Variants in EXOC2 observed in about 807,000 individuals in gnomAD.
EXOC2 encodes SEC5-like 1.
Under a neutral mutation model 131.8 loss-of-function variants are expected in EXOC2, and 70 were observed. The ratio of observed to expected loss-of-function variants is 0.53; its 90% CI spans 0.44 to 0.65. The LOEUF (loss-of-function observed/expected upper bound fraction) is 0.65, where lower values mean the gene tolerates loss of function less well. EXOC2 is among the 30% of genes least tolerant of loss of function. EXOC2 has a pLI of 0.00. For missense variants in EXOC2, 923 were observed against 1,108.6 expected, an observed-to-expected ratio of 0.83 and a Z score of 2.38; for synonymous variants, 411 against 398.4, an observed-to-expected ratio of 1.03 and a Z score of -0.38.
chr6:514,672 C>T (rs977481832), intron 23 of EXOC2, among the ~76,000 whole-genome samples: 1 of 152,186 alleles, frequency 6.6e-6, no homozygotes, highest in Non-Finnish European at 1.5e-5. Flanking sequence ...TCCAGGGAGG[C>T]CAAAGGGGTC....
In EXOC2 at chr6:486,682, T is replaced by C. The variant is rs778925288; in HGVS notation, c.2764A>G (p.Met922Val). The C allele has an allele frequency of 2.0e-5, 32 of 1,614,124 alleles. No individual in the cohort carries two copies. The highest frequency in any genetic ancestry group is 2.7e-5 in the Non-Finnish European group (32 of 1,179,960). Reference protein sequence around the residue: ...TCFQAASSTMMKT With the variant: ...TCFQAASSTMVKT ...TATGTGGCAGATATTTATGTTTTCA[T>C]CATGGTTGAAGAAGCTGCTTGGAAA... is the stretch of plus-strand genomic sequence containing the variant. Residue 922 changes from methionine to valine, a missense_variant, in exon 28 of 28, where the codon ATG becomes GTG. By Grantham distance (21) the Met-to-Val change is conservative. Coordinates refer to ENST00000230449, the MANE Select transcript of EXOC2 (RefSeq NM_018303.6).
intron 1 of EXOC2, among the ~76,000 whole-genome samples, chr6:651,347 T>A (rs1009541610): frequency 6.6e-6 from 1 of 152,074 alleles, no homozygotes; most frequent in Non-Finnish European, 1.5e-5. Flanking sequence ...TCTCCATTTT[T>A]ATCTTGCATT....
At position 666,693 on chromosome 6, in the gene EXOC2, ACT is replaced by A. The variant is rs1462682810; in HGVS notation, c.-44+26324_-44+26325del. 2.1e-5 allele frequency among the ~76,000 whole-genome samples: 2 copies of A among 96,474 alleles called. 1 individual carries two copies. The highest frequency in any genetic ancestry group is 4.9e-5 in the Non-Finnish European group (2 of 40,806). 63.3% of individuals were successfully genotyped at this position (96,474 alleles called of 152,430 possible). A position where few individuals can be genotyped will look rare whatever the true frequency, so the allele number is the denominator to read the frequency against. Reference sequence around the variant, plus strand: ...ACAACTGAGGAGCCAATACTGATATACTATTAAGTAAGTTCCATAGTTTACAC... The same window carrying A: ...ACAACTGAGGAGCCAATACTGATATAATTAAGTAAGTTCCATAGTTTACAC... On this transcript the variant is annotated intron_variant, in intron 1 of 27. Transcript: ENST00000230449.
At chr6:505,202 T>C (rs768358216) in intron 23 of EXOC2, among the ~76,000 whole-genome samples, 1 of 152,200 alleles carries the variant, frequency 6.6e-6, no homozygotes, top group African/African-American at 2.4e-5. Context: ...GAAACGTTTG[T>C]CCTTGACAGT....
At chr6:626,107 A>G (rs371382266) in intron 4 of EXOC2, among the ~76,000 whole-genome samples, 1 of 152,232 alleles carries the variant, frequency 6.6e-6, no homozygotes, top group Non-Finnish European at 1.5e-5. Context: ...ATTTGTGACA[A>G]CTGCCATCGT....
At chr6:527,353 A>T (rs901554721) in intron 23 of EXOC2, among the ~76,000 whole-genome samples, 1 of 152,272 alleles carries the variant, frequency 6.6e-6, no homozygotes, top group Non-Finnish European at 1.5e-5. Flanking sequence ...TCTCTTGTAA[A>T]ATTCAGTGAA....
intron 23 of EXOC2, among the ~76,000 whole-genome samples, chr6:527,543 G>A (rs988384294): frequency 3.3e-5 from 5 of 152,152 alleles, no homozygotes; most frequent in African/African-American, 7.2e-5. Flanking sequence ...TACAAGTTTC[G>A]CTCACTGATG....
chr6:613,862 C>T (rs1304690073), intron 6 of EXOC2, among the ~76,000 whole-genome samples: 6 of 151,138 alleles, frequency 4.0e-5, no homozygotes, highest in Admixed American at 6.6e-5. Context: ...GCACATGTAC[C>T]CTAAAACTTA....
rs1581380590 is a variant in EXOC2, at chr6:532,476, A to G, written c.2373T>C (p.Pro791=). 1 of 1,591,044 alleles carries G rather than the reference A, an allele frequency of 6.3e-7. No homozygotes were observed. Among genetic ancestry groups the G allele is most frequent in the Middle Eastern group, 1.7e-4 (1 of 5,956 alleles). Residue 791 remains proline (P), a synonymous_variant, in exon 23 of 28, where the codon CCT becomes CCC. Coordinates refer to ENST00000230449, the MANE Select transcript of EXOC2 (RefSeq NM_018303.6). ...AGYFDWKDCL[P]PTGVRNYLKE... ...AGAAACTTTATTACTTACCTGTTGG[A>G]GGCAGGCAGTCCTTCCAATCAAAAT...
intron 22 of EXOC2, among the ~76,000 whole-genome samples, chr6:539,154 C>T (rs576881162): frequency 1.3e-5 from 2 of 152,086 alleles, no homozygotes; most frequent in South Asian, 4.2e-4. Context: ...CTGGAGGTAG[C>T]CCCATCATAA....
chr6:581,580 G>A (rs1464262601), intron 11 of EXOC2, among the ~76,000 whole-genome samples: 1 of 152,022 alleles, frequency 6.6e-6, no homozygotes, highest in Non-Finnish European at 1.5e-5. Flanking sequence ...GATATTTGCA[G>A]GAAAAATGAT....
At chr6:585,720 A>G (rs778747489) in intron 11 of EXOC2, among the ~76,000 whole-genome samples, 2 of 152,236 alleles carry the variant, frequency 1.3e-5, no homozygotes, top group Non-Finnish European at 1.5e-5. Context: ...AAAAATATTT[A>G]TATGTTAGAT....
Position 592,528 on chromosome 6 carries a change from T to A in EXOC2, c.1133A>T (p.His378Leu), listed in dbSNP as rs1224460122. 6.2e-7 allele frequency: 1 copy of A among 1,614,128 alleles called. No homozygotes were observed. Among genetic ancestry groups the A allele is most frequent in the Non-Finnish European group, 8.5e-7 (1 of 1,180,002 alleles). ...DPAWQCIGAQHKWILQLMHSC... is the reference protein window; with the variant it reads ...DPAWQCIGAQLKWILQLMHSC... ...GTGCATGAGCTGAAGGATCCACTTG[T>A]GTTGGGCTCCAATGCATTGCCAAGC... Residue 378 changes from histidine (H) to leucine (L), a missense_variant, in exon 11 of 28, where the codon CAC (histidine) becomes CTC (leucine). His to Leu is a moderately conservative substitution (Grantham distance 99, BLOSUM62 -3). Transcript: ENST00000230449.
chr6:656,258 C>T (rs1200159917), intron 1 of EXOC2: 2 of 1,614,146 alleles, frequency 1.2e-6, no homozygotes, highest in Non-Finnish European at 1.7e-6. Flanking sequence ...TGTCCACCCG[C>T]ACTTGCACCA....
At chr6:609,639 A>C (rs908131888) in intron 7 of EXOC2, among the ~76,000 whole-genome samples, 6 of 152,182 alleles carry the variant, frequency 3.9e-5, no homozygotes, top group African/African-American at 1.2e-4. Flanking sequence ...CAGCTGCCTT[A>C]AATTCTTTTT....
At chr6:501,287 T>A (rs1161516388) in intron 23 of EXOC2, among the ~76,000 whole-genome samples, 1 of 8,978 alleles carries the variant, frequency 1.1e-4, no homozygotes, top group African/African-American at 3.2e-4. Context: ...TCTATATATA[T>A]TATATATATC....
At chr6:613,454 A>AGAAG (rs1217110633) in intron 6 of EXOC2, among the ~76,000 whole-genome samples, 1 of 150,534 alleles carries the variant, frequency 6.6e-6, no homozygotes, top group Non-Finnish European at 1.5e-5. Context: ...AAAGAAAGAA[A>AGAAG]GAAAGAAAAA....
intron 6 of EXOC2, among the ~76,000 whole-genome samples, chr6:616,976 G>T (rs1405830205): frequency 2.0e-5 from 3 of 151,982 alleles, no homozygotes; most frequent in Non-Finnish European, 4.4e-5. Flanking sequence ...TATACTTTAG[G>T]AATAAAAATA....
chr6:600,894 CTTCT>C (rs1158328442), intron 7 of EXOC2, among the ~76,000 whole-genome samples: 1 of 151,986 alleles, frequency 6.6e-6, no homozygotes. Flanking sequence ...TTAGAGATAA[CTTCT>C]GTCTGTAAAT....
Sources: allele counts gnomAD v4.1 joint callset (sites outside exome capture counted in the v4.1 genomes callset), GRCh38; gene constraint gnomAD v4.1.1; transcripts MANE v1.5; gene names NCBI Gene and HGNC (gene_info 2026-07-23, HGNC 2026-07-21).